The following ZMIZ1 variants were observed in gnomAD, a reference collection of about 807,000 sequenced individuals.
The protein encoded by ZMIZ1 is zinc finger MIZ domain-containing protein 1.
In ZMIZ1, 17 loss-of-function variants were observed where a neutral mutation model predicts 113.9. The ratio of observed to expected loss-of-function variants is 0.15; its 90% CI spans 0.10 to 0.22. ZMIZ1 has a LOEUF of 0.22. Among genes scored for constraint, ZMIZ1 ranks in the 10% least tolerant of loss-of-function variants. The pLI is 1.00. For missense variants in ZMIZ1, 1,059 were observed against 1,477.8 expected, an observed-to-expected ratio of 0.72 and a Z score of 4.65; for synonymous variants, 607 against 603.1, an observed-to-expected ratio of 1.01 and a Z score of -0.09.
chr10:79,240,295 T>C (rs1849764899), intron 7 of ZMIZ1, among the ~76,000 whole-genome samples: 1 of 152,236 alleles, frequency 6.6e-6, no homozygotes, highest in Non-Finnish European at 1.5e-5. Flanking sequence ...AGAGCGCCTT[T>C]GTCTGCGGCC....
At position 79,314,203 on chromosome 10, in the gene ZMIZ1, G is replaced by A. The variant is rs551639017; in HGVS notation, c.*1454G>A. 1 of 457,112 alleles carries A rather than the reference G, an allele frequency of 2.2e-6. No individual in the cohort carries two copies. The highest frequency in any genetic ancestry group is 1.5e-5 in the South Asian group (1 of 64,572). The allele number at this position is 457,112 out of a possible 1,614,324, so 28.3% of individuals were successfully genotyped here. A position where few individuals can be genotyped will look rare whatever the true frequency, so the allele number is the denominator to read the frequency against. ...CAGGGCCTCCTGGGGAGCCTGTCCT[G>A]TGTTCACTTTGTTTCAGGCTGGTCT... On this transcript the variant is annotated 3_prime_UTR_variant, in exon 25 of 25. Coordinates refer to ENST00000334512, the MANE Select transcript of ZMIZ1 (RefSeq NM_020338.4).
intron 7 of ZMIZ1, among the ~76,000 whole-genome samples, chr10:79,237,594 C>T (rs1314592689): frequency 6.6e-6 from 1 of 152,164 alleles, no homozygotes; most frequent in Non-Finnish European, 1.5e-5. Context: ...CTTCACGTGG[C>T]ATTGTCCCTG....
rs543920660 is a variant in ZMIZ1 at position 79,289,511 on chromosome 10, G to A, written c.426-264G>A. On this transcript the variant is annotated intron_variant, in intron 8 of 24. Coordinates refer to ENST00000334512, the MANE Select transcript of ZMIZ1 (RefSeq NM_020338.4). ...TCAGTTGCATGACCTGTGGACTCGG[G>A]GATACAGGGAGACACACAGCCATGG... Among the ~76,000 whole-genome samples, 245 of 152,308 alleles carry A rather than the reference G, an allele frequency of 1.6e-3. 1 individual carries two copies. The highest frequency in any genetic ancestry group is 3.0e-3 in the Non-Finnish European group (201 of 68,024).
intron 4 of ZMIZ1, among the ~76,000 whole-genome samples, chr10:79,196,623 G>A (rs1847844523): frequency 6.6e-6 from 1 of 152,218 alleles, no homozygotes; most frequent in Non-Finnish European, 1.5e-5. Flanking sequence ...CCAGTTTGCT[G>A]TTAACTTCTT....
At chr10:79,239,472 C>T (rs1046980846) in intron 7 of ZMIZ1, among the ~76,000 whole-genome samples, 4 of 152,186 alleles carry the variant, frequency 2.6e-5, no homozygotes, top group Non-Finnish European at 2.9e-5. Flanking sequence ...TCCCTCTGAG[C>T]GCCTACGCCC....
At chr10:79,161,284 G>A (rs548789352) in intron 3 of ZMIZ1, among the ~76,000 whole-genome samples, 3 of 152,160 alleles carry the variant, frequency 2.0e-5, no homozygotes, top group African/African-American at 7.2e-5. Flanking sequence ...CAGCCATGGG[G>A]GCTTCCTAAA....
At chr10:79,173,252 A>G (rs1358764222) in intron 4 of ZMIZ1, among the ~76,000 whole-genome samples, 1 of 152,182 alleles carries the variant, frequency 6.6e-6, no homozygotes, top group Non-Finnish European at 1.5e-5. Context: ...CCCAACATAA[A>G]TTCGTAAACT....
At chr10:79,265,349 A>T (rs1389211220) in intron 7 of ZMIZ1, among the ~76,000 whole-genome samples, 1 of 151,914 alleles carries the variant, frequency 6.6e-6, no homozygotes, top group African/African-American at 2.4e-5. Context: ...CCACCCAACT[A>T]GCCAGTCCTC....
chr10:79,149,534 C>T (rs1280150744), intron 3 of ZMIZ1, among the ~76,000 whole-genome samples: 1 of 152,190 alleles, frequency 6.6e-6, no homozygotes, highest in African/African-American at 2.4e-5. Flanking sequence ...GCCTTGCAGC[C>T]CCTGGGCCAA....
Position 79,316,062 on chromosome 10 carries a change from G to T in ZMIZ1, c.*3313G>T, listed in dbSNP as rs1049392106. ...GTCCTGCCACCTGTGTATTTTTAGG[G>T]TGCTATGGAAATAATGAAAAGAAAC... On this transcript the variant is annotated 3_prime_UTR_variant, in exon 25 of 25. Transcript: ENST00000334512. The T allele has an allele frequency of 6.5e-6, 1 of 152,726 alleles. No homozygotes were observed. The highest frequency in any genetic ancestry group is 2.4e-5 in the African/African-American group (1 of 41,410). 9.5% of individuals were successfully genotyped at this position (152,726 alleles called of 1,614,324 possible).
At position 79,312,921 on chromosome 10, in the gene ZMIZ1, G is replaced by T; in HGVS notation, c.*172G>T. On this transcript the variant is annotated 3_prime_UTR_variant, in exon 25 of 25. Transcript: ENST00000334512. The stretch of plus-strand genomic sequence containing the variant: ...CTCTCAGAACAGAGGGGTAGGGAGG[G>T]TGCACCAGTGCACCAGGAAGGCTGT... The T allele has an allele frequency of 1.6e-6, 1 of 608,410 alleles. No individual in the cohort carries two copies. The highest frequency in any genetic ancestry group is 2.9e-6 in the Non-Finnish European group (1 of 346,558). The allele number at this position is 608,410 out of a possible 1,614,324, so 37.7% of individuals were successfully genotyped here.
At chr10:79,199,966 G>A (rs1192531023) in intron 4 of ZMIZ1, among the ~76,000 whole-genome samples, 1 of 152,200 alleles carries the variant, frequency 6.6e-6, no homozygotes, top group Non-Finnish European at 1.5e-5. Flanking sequence ...CAGGCAGGCA[G>A]ACACAACCTA....
intron 4 of ZMIZ1, among the ~76,000 whole-genome samples, chr10:79,168,957 C>T (rs1469539490): frequency 3.3e-5 from 5 of 152,238 alleles, no homozygotes; most frequent in Non-Finnish European, 7.3e-5. Context: ...CTGCCTCCCC[C>T]ATTAAGTGCT....
intron 4 of ZMIZ1, among the ~76,000 whole-genome samples, chr10:79,193,327 G>A (rs759694566): frequency 6.6e-6 from 1 of 152,178 alleles, no homozygotes; most frequent in Non-Finnish European, 1.5e-5. Flanking sequence ...TTCACTATGA[G>A]AATGTAAAAG....
chr10:79,175,581 T>TGC lies in ZMIZ1; in HGVS notation c.-50+13450_-50+13451dup, dbSNP rs1286574619. On this transcript the variant is annotated intron_variant, in intron 4 of 24. Coordinates refer to ENST00000334512, the MANE Select transcript of ZMIZ1 (RefSeq NM_020338.4). ...GAGGACTTCTCTAATCTGTGCACTC[T>TGC]GCGTGTGTGTGTGTGTGTGTGTGTG... is the stretch of plus-strand genomic sequence containing the variant. 8.9e-3 allele frequency among the ~76,000 whole-genome samples: 1,176 copies of TGC among 132,816 alleles called. 62 individuals carry two copies. Among genetic ancestry groups the TGC allele is most frequent in the Admixed American group, 0.079 (1,030 of 13,000 alleles). The allele number at this position is 132,816 out of a possible 152,430, so 87.1% of individuals were successfully genotyped here. A position where few individuals can be genotyped will look rare whatever the true frequency, so the allele number is the denominator to read the frequency against.
At chr10:79,085,920 G>A (rs920252932) in intron 1 of ZMIZ1, among the ~76,000 whole-genome samples, 6 of 152,138 alleles carry the variant, frequency 3.9e-5, no homozygotes, top group Non-Finnish European at 8.8e-5. Context: ...CCGGGCACTG[G>A]AAGGGCCCTG....
At chr10:79,097,302 C>T (rs930667022) in intron 1 of ZMIZ1, among the ~76,000 whole-genome samples, 8 of 152,340 alleles carry the variant, frequency 5.3e-5, no homozygotes, top group Admixed American at 5.2e-4. Flanking sequence ...GGCCTGAGCC[C>T]TTAACTGGTC....
At position 79,302,182 on chromosome 10, in the gene ZMIZ1, C is replaced by T; in HGVS notation, c.2095C>T (p.Leu699Phe). The T allele has an allele frequency of 6.2e-7, 1 of 1,613,908 alleles. No homozygotes were observed. The highest frequency in any genetic ancestry group is 8.5e-7 in the Non-Finnish European group (1 of 1,180,020). The change falls in exon 18 of 25, where the codon CTC becomes TTC. Residue 699 changes from leucine to phenylalanine, a missense_variant. Leu to Phe is a conservative substitution (Grantham distance 22). This residue lies in a region of ZMIZ1 where 217 missense variants were observed against 426.9 expected (regional missense o/e 0.51). Coordinates refer to ENST00000334512, the MANE Select transcript of ZMIZ1 (RefSeq NM_020338.4). ...SVLQGLLKKRLLPAEHCITKI... is the reference protein window; with the variant it reads ...SVLQGLLKKRFLPAEHCITKI... Reference sequence around the variant, plus strand: ...GCTGCAAGGACTCCTCAAGAAGCGCCTCCTGCCCGCAGAGCACTGTATCAC... The same window carrying T: ...GCTGCAAGGACTCCTCAAGAAGCGCTTCCTGCCCGCAGAGCACTGTATCAC...
intron 8 of ZMIZ1, among the ~76,000 whole-genome samples, chr10:79,279,143 G>T (rs1297459098): frequency 6.6e-6 from 1 of 151,670 alleles, no homozygotes; most frequent in Non-Finnish European, 1.5e-5. Context: ...CTGGCCGGAC[G>T]GGGGCTGCCC....
Sources: gnomAD v4.1 joint callset for allele counts (sites outside exome capture counted in the v4.1 genomes callset) on GRCh38, gnomAD v4.1.1 for gene constraint, gnomAD v4.1.1 regional missense constraint, MANE v1.5 for transcripts, NCBI Gene and HGNC (gene_info 2026-07-23, HGNC 2026-07-21) for gene names.